HAS3: variants seen among roughly 807,000 people sequenced by gnomAD.
HAS3 encodes the protein HA synthase 3.
A neutral mutation model predicts 50.3 loss-of-function variants in HAS3; 27 were observed. That is an observed-to-expected ratio of 0.54 (90% confidence interval 0.40 to 0.74). HAS3 has a LOEUF of 0.74. HAS3 is among the 30% of genes least tolerant of loss of function. HAS3 has a pLI of 0.00. For synonymous variants in HAS3, 339 were observed against 310.9 expected, an observed-to-expected ratio of 1.09 and a Z score of -0.95; for missense variants, 517 against 742.8, an observed-to-expected ratio of 0.70 and a Z score of 3.53.
rs1961162414 is a variant in HAS3 at position 69,115,852 on chromosome 16, C to A, written c.*586C>A. The stretch of plus-strand genomic sequence containing the variant: ...GGTGCTTTATGTGAGATACCCCACT[C>A]CACATCAACATTCCAGGGATGAGCC... On this transcript the variant is annotated 3_prime_UTR_variant, in exon 4 of 4. Coordinates refer to ENST00000569188, the MANE Select transcript of HAS3 (RefSeq NM_001199280.2). 7 of 985,718 alleles carry A rather than the reference C, an allele frequency of 7.1e-6. No individual in the cohort carries two copies. Among genetic ancestry groups the A allele is most frequent in the Non-Finnish European group, 8.4e-6 (7 of 829,952 alleles). 61.1% of individuals were successfully genotyped at this position (985,718 alleles called of 1,614,324 possible).
chr16:69,101,929 C>T (rs1014989983), upstream of HAS3, among the ~76,000 whole-genome samples: 6 of 152,090 alleles, frequency 3.9e-5, no homozygotes, highest in African/African-American at 9.7e-5. Flanking sequence ...GGATTACAGG[C>T]GCAAGCTGCC....
chr16:69,089,132 CA>C, the HAS3 span, among the ~76,000 whole-genome samples: 1 of 152,130 alleles, frequency 6.6e-6, no homozygotes, highest in African/African-American at 2.4e-5. Flanking sequence ...ACCCTGGGTC[CA>C]TCCACCTGTT....
chr16:69,085,608 A>C, the HAS3 span, among the ~76,000 whole-genome samples: 1 of 139,592 alleles, frequency 7.2e-6, no homozygotes, highest in African/African-American at 2.7e-5. Flanking sequence ...TTTTTTTTTG[A>C]GACAGAGTCT....
At position 69,115,887 on chromosome 16, in the gene HAS3, G is replaced by C. The variant is rs1415135247; in HGVS notation, c.*621G>C. 4 of 985,778 alleles carry C rather than the reference G, an allele frequency of 4.1e-6. No individual in the cohort carries two copies. The highest frequency in any genetic ancestry group is 4.8e-6 in the Non-Finnish European group (4 of 829,970). The allele number at this position is 985,778 out of a possible 1,614,324, so 61.1% of individuals were successfully genotyped here. ...ATTCCAGGGATGAGCCAAACCAGCA[G>C]GGAGTTAGCACTGAACTGCTTTTAA... On this transcript the variant is annotated 3_prime_UTR_variant, in exon 4 of 4. Coordinates refer to ENST00000569188, the MANE Select transcript of HAS3 (RefSeq NM_001199280.2).
the HAS3 span, among the ~76,000 whole-genome samples, chr16:69,099,824 T>C: frequency 6.6e-6 from 1 of 152,084 alleles, no homozygotes; most frequent in African/African-American, 2.4e-5. Flanking sequence ...CTGGGTTTTT[T>C]TTTTTTTCTA....
chr16:69,103,002 C>CGTGTGTGTGTGT (rs1555531811), upstream of HAS3, among the ~76,000 whole-genome samples: 4 of 115,082 alleles, frequency 3.5e-5, no homozygotes, highest in Non-Finnish European at 7.6e-5. Context: ...GTGGAGTGTG[C>CGTGTGTGTGTGT]ATGTGTGTGT....
chr16:69,095,176 G>C, the HAS3 span, among the ~76,000 whole-genome samples: 1 of 151,852 alleles, frequency 6.6e-6, no homozygotes, highest in African/African-American at 2.4e-5. Context: ...GTAGAGAGAG[G>C]GTTTCGCCAT....
At position 69,117,034 on chromosome 16, in the gene HAS3, C is replaced by A; in HGVS notation, c.*1768C>A. 1.0e-6 allele frequency: 1 copy of A among 985,546 alleles called. No homozygotes were observed. The highest frequency in any genetic ancestry group is 1.2e-6 in the Non-Finnish European group (1 of 829,932). The allele number at this position is 985,546 out of a possible 1,614,324, so 61.1% of individuals were successfully genotyped here. A position where few individuals can be genotyped will look rare whatever the true frequency, so the allele number is the denominator to read the frequency against. On this transcript the variant is annotated 3_prime_UTR_variant, in exon 4 of 4. Transcript: ENST00000569188. ...TTCCAGGTGTAGCTAACAGTTGCCACATCACACAGACCTCGAGTTTCTGGT... is the reference window on the plus strand; with the variant it reads ...TTCCAGGTGTAGCTAACAGTTGCCAAATCACACAGACCTCGAGTTTCTGGT...
At chr16:69,096,157 A>G in the HAS3 span, among the ~76,000 whole-genome samples, 1 of 144,644 alleles carries the variant, frequency 6.9e-6, no homozygotes, top group African/African-American at 2.6e-5. Flanking sequence ...CCGAGACTGC[A>G]GTGAGCAGAG....
chr16:69,087,738 T>C, the HAS3 span, among the ~76,000 whole-genome samples: 1 of 143,700 alleles, frequency 7.0e-6, no homozygotes, highest in Non-Finnish European at 1.5e-5. Context: ...AGTTTTGCTC[T>C]GTTGCCCTGG....
intron 1 of HAS3, among the ~76,000 whole-genome samples, chr16:69,108,987 C>G (rs759031721): frequency 6.6e-5 from 10 of 152,316 alleles, no homozygotes; most frequent in African/African-American, 2.2e-4. Context: ...AGAGCTGCCT[C>G]AGGCTCACCC....
At chr16:69,083,494 G>T in the HAS3 span, 74 of 1,610,254 alleles carry the variant, frequency 4.6e-5, no homozygotes, top group Admixed American at 2.2e-4. Flanking sequence ...GGTGCTGAGC[G>T]CCGTCCTCAA....
chr16:69,095,874 C>T, the HAS3 span, among the ~76,000 whole-genome samples: 11 of 152,270 alleles, frequency 7.2e-5, no homozygotes, highest in South Asian at 2.1e-4. Context: ...CTAATGATGT[C>T]TTTCATCAAG....
chr16:69,109,652 C>T lies in HAS3; in HGVS notation c.257C>T (p.Ser86Leu), dbSNP rs779390940. ...ALKLPSPRRGSVALCIAAYQE... is the reference protein window; with the variant it reads ...ALKLPSPRRGLVALCIAAYQE... ...AAGCTGCCCTCCCCGCGGCGGGGCT[C>T]GGTGGCACTGTGCATTGCCGCATAC... Residue 86 changes from serine (S) to leucine (L), a missense_variant, in exon 2 of 4, where the codon TCG becomes TTG. Physicochemically the swap from Ser to Leu is moderately radical, Grantham distance 145. Transcript: ENST00000569188. This position sits in a 1 kb window ranked among gnomAD's most constrained non-coding sequence, Gnocchi z 5.3. 38 of 1,609,902 alleles carry T rather than the reference C, an allele frequency of 2.4e-5. No homozygotes were observed. The South Asian group carries it at 3.7e-4, about 16-fold the overall frequency.
In HAS3 at chr16:69,107,863, C is replaced by T. The variant is rs1020622364; in HGVS notation, c.1-1533C>T. Among the ~76,000 whole-genome samples, 9 of 152,240 alleles carry T rather than the reference C, an allele frequency of 5.9e-5. No individual in the cohort carries two copies. The highest frequency in any genetic ancestry group is 2.2e-4 in the African/African-American group (9 of 41,464). On this transcript the variant is annotated intron_variant, in intron 1 of 3. Transcript: ENST00000569188. This position sits in a 1 kb window ranked among gnomAD's most constrained non-coding sequence, Gnocchi z 5.5. Reference sequence around the variant, plus strand: ...GGTGGGGCAGAGCGCCCGGAGGCCGCGCTTCCCGGAGAGGCTAGGCTGCCA... The same window carrying T: ...GGTGGGGCAGAGCGCCCGGAGGCCGTGCTTCCCGGAGAGGCTAGGCTGCCA...
At chr16:69,086,650 A>C in the HAS3 span, among the ~76,000 whole-genome samples, 1 of 151,862 alleles carries the variant, frequency 6.6e-6, no homozygotes, top group Admixed American at 6.6e-5. Context: ...TACGCCTGTA[A>C]TCCCAACACT....
In HAS3 at chr16:69,116,739, T is replaced by C. The variant is rs1961199793; in HGVS notation, c.*1473T>C. The C allele has an allele frequency of 1.0e-6, 1 of 985,430 alleles. No individual in the cohort carries two copies. The highest frequency in any genetic ancestry group is 4.7e-5 in the South Asian group (1 of 21,274). The allele number at this position is 985,430 out of a possible 1,614,324, so 61.0% of individuals were successfully genotyped here. A position where few individuals can be genotyped will look rare whatever the true frequency, so the allele number is the denominator to read the frequency against. Reference sequence around the variant, plus strand: ...GGAATGAGGGGAAGCCATTTTCCAGTGACTTGCAATCCAGGCTGTTCTCAG... The same window carrying C: ...GGAATGAGGGGAAGCCATTTTCCAGCGACTTGCAATCCAGGCTGTTCTCAG... On this transcript the variant is annotated 3_prime_UTR_variant, in exon 4 of 4. Transcript: ENST00000569188.
rs1961150334 is a variant in HAS3, at chr16:69,115,437, T to C, written c.*171T>C. On this transcript the variant is annotated 3_prime_UTR_variant, in exon 4 of 4. Transcript: ENST00000569188. ...GTGATGTAGTATGGCCTGACAGCTCTGTTTAGAGGAGGCAACACTGATCCC... is the reference window on the plus strand; with the variant it reads ...GTGATGTAGTATGGCCTGACAGCTCCGTTTAGAGGAGGCAACACTGATCCC... The C allele has an allele frequency of 7.5e-7, 1 of 1,335,912 alleles. No individual in the cohort carries two copies. Among genetic ancestry groups the C allele is most frequent in the Non-Finnish European group, 9.5e-7 (1 of 1,048,760 alleles). 82.8% of individuals were successfully genotyped at this position (1,335,912 alleles called of 1,614,324 possible).
At chr16:69,113,401 T>C (rs1961072676) in intron 2 of HAS3, 40 bp from the exon 3 acceptor site, 5 of 1,343,320 alleles carry the variant, frequency 3.7e-6, no homozygotes, top group Admixed American at 1.7e-5. Context: ...GGTGTGCAGG[T>C]CTGAGGTCAG....
Sources: allele counts gnomAD v4.1 joint callset (sites outside exome capture counted in the v4.1 genomes callset), GRCh38; gene constraint gnomAD v4.1.1; non-coding constraint Gnocchi (gnomAD v3.1); transcripts MANE v1.5; gene names NCBI Gene and HGNC (gene_info 2026-07-23, HGNC 2026-07-21).